RIPPLY3: variants seen among roughly 807,000 people sequenced by gnomAD.
RIPPLY3 encodes the protein protein ripply3.
A neutral mutation model predicts 11.9 loss-of-function variants in RIPPLY3; 8 were observed. That is an observed-to-expected ratio of 0.67 (90% CI 0.40 to 1.21). The LOEUF (loss-of-function observed/expected upper bound fraction) is 1.21, where lower values mean the gene tolerates loss of function less well. RIPPLY3 is among the 50% of genes most tolerant of loss of function. RIPPLY3 has a pLI of 0.01. For synonymous variants in RIPPLY3, 102 were observed against 99.0 expected (o/e 1.03, Z -0.18); for missense variants, 271 against 246.0 (o/e 1.10, Z -0.68).
Position 37,013,570 on chromosome 21 carries a change from A to C in RIPPLY3, c.191A>C (p.Gln64Pro), listed in dbSNP as rs752698182. ...TGRPLEPRAD[Q>P]HTFGSKGAFG... ...TTACAGCTTGAACCTAGGGCTGACC[A>C]ACACACTTTTGGATCAAAGGGAGCC... Residue 64 changes from glutamine to proline, a missense_variant, in exon 3 of 4, where the codon CAA becomes CCA. By Grantham distance (76) the Gln-to-Pro change is moderately conservative. Transcript: ENST00000329553. The C allele has an allele frequency of 8.1e-6, 13 of 1,613,722 alleles. No individual in the cohort carries two copies. In the Admixed American group the frequency reaches 8.3e-5, roughly 10 times the overall value.
intron 1 of RIPPLY3, among the ~76,000 whole-genome samples, 182 bp downstream of exon 1, chr21:37,007,058 C>T (rs1000084111): frequency 6.6e-6 from 1 of 152,276 alleles, no homozygotes; most frequent in African/African-American, 2.4e-5. Flanking sequence ...GAGGGGCGCT[C>T]AGTTCTCCGG....
At position 37,006,954 on chromosome 21, in the gene RIPPLY3, G is replaced by A. The variant is rs2069470809; in HGVS notation, c.104+78G>A. 1.1e-6 allele frequency: 1 copy of A among 877,342 alleles called. No individual in the cohort carries two copies. The highest frequency in any genetic ancestry group is 1.5e-6 in the Non-Finnish European group (1 of 672,072). 54.3% of individuals were successfully genotyped at this position (877,342 alleles called of 1,614,324 possible). ...GGTGCGGGGAGCGCAGCGAGCGGGA[G>A]GCTGGGGCGCTGCTGAACCCCCGAT... On this transcript the variant is annotated intron_variant, in intron 1 of 3. Transcript: ENST00000329553. The surrounding 1 kb of genome is among the most constrained non-coding windows in gnomAD (Gnocchi z 5.2).
At chr21:37,015,134 C>T (rs1408950605) in intron 3 of RIPPLY3, among the ~76,000 whole-genome samples, 1 of 151,986 alleles carries the variant, frequency 6.6e-6, no homozygotes, top group East Asian at 1.9e-4. Flanking sequence ...TAGGGAAAGA[C>T]CCATGCATCT....
At position 37,018,237 on chromosome 21, in the gene RIPPLY3, G is replaced by C. The variant is rs2069602178; in HGVS notation, c.*30G>C. On this transcript the variant is annotated 3_prime_UTR_variant, in exon 4 of 4. Coordinates refer to ENST00000329553, the MANE Select transcript of RIPPLY3 (RefSeq NM_018962.3). ...GTCTCTGTCTCCTGGGCCCTGCTCT[G>C]GGACCTGCCCCTCACGTTCTCTTGG... The C allele has an allele frequency of 6.3e-7, 1 of 1,574,930 alleles. No individual in the cohort carries two copies. The highest frequency in any genetic ancestry group is 1.3e-5 in the African/African-American group (1 of 74,216).
At chr21:37,016,013 C>T (rs1452511541) in intron 3 of RIPPLY3, among the ~76,000 whole-genome samples, 1 of 151,978 alleles carries the variant, frequency 6.6e-6, no homozygotes, top group Non-Finnish European at 1.5e-5. Flanking sequence ...TGTGTCCCAC[C>T]CCAGCATATT....
chr21:37,010,132 G>A (rs1269054831), intron 2 of RIPPLY3, among the ~76,000 whole-genome samples: 1 of 152,166 alleles, frequency 6.6e-6, no homozygotes, highest in Non-Finnish European at 1.5e-5. Flanking sequence ...GGCTGGAGTG[G>A]CGGTGAAGAG....
At position 37,010,096 on chromosome 21, in the gene RIPPLY3, CTT is replaced by C. The variant is rs1333449012; in HGVS notation, c.171+1874_171+1875del. Among the ~76,000 whole-genome samples the C allele has an allele frequency of 5.9e-5, 9 of 152,328 alleles. No individual in the cohort carries two copies. In the East Asian group the frequency reaches 1.7e-3, roughly 29 times the overall value. On this transcript the variant is annotated intron_variant, in intron 2 of 3. Coordinates refer to ENST00000329553, the MANE Select transcript of RIPPLY3 (RefSeq NM_018962.3). ...GACAATTCCCCAGCTCCCAAGCCCT[CTT>C]CTGTATTTCTCAAAAATGCCATTGG...
chr21:37,010,260 G>A (rs995740691), intron 2 of RIPPLY3, among the ~76,000 whole-genome samples: 4 of 152,168 alleles, frequency 2.6e-5, no homozygotes, highest in Non-Finnish European at 5.9e-5. Flanking sequence ...GGGAGGCCGA[G>A]GCGGTCGGAT....
intron 3 of RIPPLY3, among the ~76,000 whole-genome samples, 198 bp from the exon 4 acceptor site, chr21:37,017,676 G>A (rs979265539): frequency 4.6e-5 from 7 of 152,010 alleles, no homozygotes; most frequent in African/African-American, 7.2e-5. Context: ...CTTCTGAACC[G>A]GGGTAGGTTT....
chr21:37,010,612 T>C (rs2069511773), intron 2 of RIPPLY3, among the ~76,000 whole-genome samples: 1 of 152,204 alleles, frequency 6.6e-6, no homozygotes, highest in Non-Finnish European at 1.5e-5. Context: ...GGGAGCTATC[T>C]CCCTCCCCTA....
Position 37,017,923 on chromosome 21 carries a change from G to A in RIPPLY3, c.289G>A (p.Glu97Lys). ...KRQEYLRSSG[E>K]QVLASFPVQA... is the part of the protein sequence containing the mutation. ...TCAAGAATACCTGCGGAGTTCCGGG[G>A]AGCAAGTACTGGCCAGTTTCCCAGT... is the stretch of plus-strand genomic sequence containing the variant. The change falls in exon 4 of 4, where the codon GAG becomes AAG. Residue 97 changes from glutamate (E) to lysine (K), a missense_variant. Coordinates refer to ENST00000329553, the MANE Select transcript of RIPPLY3 (RefSeq NM_018962.3). 1 of 1,614,146 alleles carries A rather than the reference G, an allele frequency of 6.2e-7. No individual in the cohort carries two copies. The highest frequency in any genetic ancestry group is 8.5e-7 in the Non-Finnish European group (1 of 1,180,010).
At position 37,017,827 on chromosome 21, in the gene RIPPLY3, G is replaced by C. The variant is rs1247222230; in HGVS notation, c.240-47G>C. On this transcript the variant is annotated intron_variant, in intron 3 of 3. Transcript: ENST00000329553. Reference sequence around the variant, plus strand: ...AAAGCACCCTCTAGAAGCAATTTAGGACGAGGTTCAGGTTGATTAATGGTA... The same window carrying C: ...AAAGCACCCTCTAGAAGCAATTTAGCACGAGGTTCAGGTTGATTAATGGTA... 2.0e-6 allele frequency: 3 copies of C among 1,499,754 alleles called. No homozygotes were observed. The East Asian group carries it at 6.9e-5, about 34-fold the overall frequency. The allele number at this position is 1,499,754 out of a possible 1,614,324, so 92.9% of individuals were successfully genotyped here. A position where few individuals can be genotyped will look rare whatever the true frequency, so the allele number is the denominator to read the frequency against.
rs369199953 is a variant in RIPPLY3, at chr21:37,008,143, G to A, written c.105-14G>A. The A allele has an allele frequency of 5.5e-5, 88 of 1,613,866 alleles. No homozygotes were observed. Among genetic ancestry groups the A allele is most frequent in the Non-Finnish European group, 5.9e-5 (70 of 1,179,932 alleles). ...TGCCCAGGGTTCACTCTCTCCTGGC[G>A]CTTGCCGTTCCAGCCCCGCGCCGTG... On this transcript the variant is annotated splice_polypyrimidine_tract_variant and intron_variant, in intron 1 of 3. Transcript: ENST00000329553.
chr21:37,010,313 G>T (rs183958347), intron 2 of RIPPLY3, among the ~76,000 whole-genome samples: 1 of 152,120 alleles, frequency 6.6e-6, no homozygotes, highest in African/African-American at 2.4e-5. Flanking sequence ...CGAACATGGT[G>T]AAACCCTGTC....
chr21:37,011,300 G>A (rs192773963), intron 2 of RIPPLY3, among the ~76,000 whole-genome samples: 11 of 152,292 alleles, frequency 7.2e-5, no homozygotes, highest in South Asian at 4.2e-4. Flanking sequence ...GAGCCACTGC[G>A]CCCTGCCTGG....
chr21:37,010,613 C>T (rs1196075179), intron 2 of RIPPLY3, among the ~76,000 whole-genome samples: 1 of 152,240 alleles, frequency 6.6e-6, no homozygotes, highest in African/African-American at 2.4e-5. Flanking sequence ...GGAGCTATCT[C>T]CCTCCCCTAC....
chr21:37,012,844 CT>C (rs1217591778), intron 2 of RIPPLY3, among the ~76,000 whole-genome samples: 1 of 149,496 alleles, frequency 6.7e-6, no homozygotes, highest in African/African-American at 2.5e-5. Context: ...CTTGCACCCC[CT>C]GTTTTCCTGC....
At chr21:37,017,161 A>G (rs2069587597) in intron 3 of RIPPLY3, among the ~76,000 whole-genome samples, 1 of 151,858 alleles carries the variant, frequency 6.6e-6, no homozygotes, top group Admixed American at 6.6e-5. Flanking sequence ...TCAAAAAAAA[A>G]AAAAAAAAAG....
At chr21:37,009,926 C>T (rs540341032) in intron 2 of RIPPLY3, among the ~76,000 whole-genome samples, 3 of 152,258 alleles carry the variant, frequency 2.0e-5, no homozygotes, top group Middle Eastern at 3.4e-3. Flanking sequence ...TTTGCAGAGC[C>T]CAGCTGGTTG....
Sources: gnomAD v4.1 joint callset for allele counts (sites outside exome capture counted in the v4.1 genomes callset) on GRCh38, gnomAD v4.1.1 for gene constraint, Gnocchi (gnomAD v3.1) non-coding constraint, MANE v1.5 for transcripts, NCBI Gene and HGNC (gene_info 2026-07-23, HGNC 2026-07-21) for gene names.